Variants in SUGCT observed in about 807,000 individuals in gnomAD.
SUGCT encodes succinyl-CoA:glutarate-CoA transferase.
A neutral mutation model predicts 55.0 loss-of-function variants in SUGCT; 41 were observed. The observed-to-expected ratio is 0.74, with a 90% confidence interval of 0.58 to 0.97. SUGCT has a LOEUF of 0.97. SUGCT is among the 50% of genes least tolerant of loss of function. SUGCT has a pLI of 0.00. For synonymous variants in SUGCT, 187 were observed against 200.4 expected (o/e 0.93, Z 0.56); for missense variants, 568 against 547.8 (o/e 1.04, Z -0.37).
intron 6 of SUGCT, among the ~76,000 whole-genome samples, chr7:40,206,703 A>G (rs6968402): frequency 0.58 from 87,624 of 152,044 alleles, 27,211 homozygotes; most frequent in African/African-American, 0.82. Context: ...ATCATCTTTA[A>G]ATTACTTGTA....
intron 7 of SUGCT, 113 bp from the exon 8 acceptor site, chr7:40,274,400 T>C (rs1584531632): frequency 5.4e-6 from 6 of 1,118,412 alleles, no homozygotes; most frequent in Non-Finnish European, 6.3e-6. Context: ...TGTATGTGTC[T>C]GCACAGTTAA....
At chr7:40,207,273 C>T (rs909520180) in intron 6 of SUGCT, among the ~76,000 whole-genome samples, 7 of 152,026 alleles carry the variant, frequency 4.6e-5, no homozygotes, top group African/African-American at 1.7e-4. Flanking sequence ...CACATTGCTT[C>T]AAAGAAGACA....
chr7:40,912,371 G>T, the SUGCT span, among the ~76,000 whole-genome samples: 1 of 152,114 alleles, frequency 6.6e-6, no homozygotes, highest in Admixed American at 6.6e-5. Flanking sequence ...AGTTATATCT[G>T]TGATTTATCT....
chr7:40,605,054 C>T (rs1562894768), intron 12 of SUGCT, among the ~76,000 whole-genome samples: 1 of 152,250 alleles, frequency 6.6e-6, no homozygotes, highest in African/African-American at 2.4e-5. Flanking sequence ...ACGCGTCCGC[C>T]TCTCAGCGCC....
chr7:40,628,821 A>T (rs898689976), intron 12 of SUGCT, among the ~76,000 whole-genome samples: 2 of 151,810 alleles, frequency 1.3e-5, no homozygotes, highest in East Asian at 1.9e-4. Flanking sequence ...GCTCACTGCA[A>T]CCTGTGCCTC....
chr7:40,448,136 G>T (rs1562784662), intron 9 of SUGCT, among the ~76,000 whole-genome samples: 1 of 151,990 alleles, frequency 6.6e-6, no homozygotes, highest in Admixed American at 6.6e-5. Context: ...TAAAATTAAA[G>T]AGTGCCCAAA....
intron 3 of SUGCT, among the ~76,000 whole-genome samples, chr7:40,187,693 G>A (rs1344445097): frequency 6.6e-6 from 1 of 152,174 alleles, no homozygotes; most frequent in African/African-American, 2.4e-5. Context: ...AGGCCTAGGC[G>A]GCTGGGTCAC....
chr7:40,860,257 T>C, intron 13 of SUGCT, 59 bp from the exon 14 acceptor site: 1 of 1,606,130 alleles, frequency 6.2e-7, no homozygotes, highest in Non-Finnish European at 8.5e-7. Context: ...GCTGCTTAGG[T>C]AATTAATTTC....
intron 12 of SUGCT, among the ~76,000 whole-genome samples, chr7:40,682,202 C>T (rs59529820): frequency 1.3e-5 from 2 of 152,192 alleles, no homozygotes; most frequent in African/African-American, 4.8e-5. Context: ...CCTGCTCCAT[C>T]TCAGCCTGGA....
chr7:40,873,263 T>C, the SUGCT span, among the ~76,000 whole-genome samples: 1 of 152,082 alleles, frequency 6.6e-6, no homozygotes, highest in East Asian at 1.9e-4. Context: ...CCAAAGGAAA[T>C]GGTATTTTAA....
intron 9 of SUGCT, among the ~76,000 whole-genome samples, chr7:40,446,331 G>A (rs776751578): frequency 2.0e-5 from 3 of 151,546 alleles, no homozygotes; most frequent in East Asian, 3.9e-4. Context: ...TTACTTATTC[G>A]CCCCCCATCT....
the SUGCT span, among the ~76,000 whole-genome samples, chr7:40,922,481 C>T: frequency 6.6e-6 from 1 of 152,156 alleles, no homozygotes; most frequent in Non-Finnish European, 1.5e-5. Context: ...ACTCATGGGG[C>T]AGGGTTCTTA....
At chr7:40,556,092 T>G (rs1200638982) in intron 12 of SUGCT, among the ~76,000 whole-genome samples, 1 of 152,196 alleles carries the variant, frequency 6.6e-6, no homozygotes. Flanking sequence ...TACAGTGCCT[T>G]AGATGCAATA....
At chr7:40,684,244 T>G in intron 12 of SUGCT, 1 of 1,393,762 alleles carries the variant, frequency 7.2e-7, no homozygotes, top group Non-Finnish European at 9.4e-7. Flanking sequence ...CCATACTTAT[T>G]CATTTACATC....
intron 11 of SUGCT, among the ~76,000 whole-genome samples, chr7:40,474,710 A>G (rs2074594086): frequency 6.6e-6 from 1 of 152,174 alleles, no homozygotes; most frequent in African/African-American, 2.4e-5. Context: ...GAAAGGCTAA[A>G]TGCAATCATG....
chr7:40,526,860 T>A (rs1415798503), intron 12 of SUGCT, among the ~76,000 whole-genome samples: 1 of 152,184 alleles, frequency 6.6e-6, no homozygotes, highest in African/African-American at 2.4e-5. Context: ...GATTTGTTGG[T>A]TTTTCCAAGG....
intron 9 of SUGCT, among the ~76,000 whole-genome samples, chr7:40,379,369 C>T (rs566515710): frequency 4.4e-4 from 67 of 152,320 alleles, no homozygotes; most frequent in African/African-American, 1.5e-3. Context: ...TCTGGCACTC[C>T]TCAAGGACAA....
chr7:40,409,646 A>G (rs1314941324), intron 9 of SUGCT, among the ~76,000 whole-genome samples: 1 of 151,498 alleles, frequency 6.6e-6, no homozygotes, highest in Non-Finnish European at 1.5e-5. Context: ...CATAAACCCT[A>G]TAGTATTCTT....
At chr7:40,759,810 T>G (rs1292681415) in intron 13 of SUGCT, among the ~76,000 whole-genome samples, 3 of 152,102 alleles carry the variant, frequency 2.0e-5, no homozygotes, top group Non-Finnish European at 4.4e-5. Flanking sequence ...GGATTACCTA[T>G]TTTGGGATTA....
Sources: gnomAD v4.1 joint callset for allele counts (sites outside exome capture counted in the v4.1 genomes callset) on GRCh38, gnomAD v4.1.1 for gene constraint, MANE v1.5 for transcripts, NCBI Gene and HGNC (gene_info 2026-07-23, HGNC 2026-07-21) for gene names.